SLC25A28: variants seen among roughly 807,000 people sequenced by gnomAD.
The protein encoded by SLC25A28 is solute carrier family 25 member 28.
Under a neutral mutation model 31.9 loss-of-function variants are expected in SLC25A28, and 10 were observed. That is an observed-to-expected ratio of 0.31 (90% CI 0.19 to 0.53). The LOEUF is 0.53. Ranked by LOEUF, SLC25A28 falls within the 20% of genes least tolerant of loss-of-function variation. SLC25A28 has a pLI of 0.95. For missense variants in SLC25A28, 256 were observed against 490.3 expected (o/e 0.52, Z 4.51); for synonymous variants, 208 against 203.6 (o/e 1.02, Z -0.19).
the SLC25A28 span, among the ~76,000 whole-genome samples, chr10:99,643,966 A>G: frequency 9.2e-5 from 14 of 152,150 alleles, no homozygotes; most frequent in South Asian, 2.1e-4. Flanking sequence ...TACATTTGCC[A>G]AGGAGTGCTT....
At chr10:99,641,920 G>A in the SLC25A28 span, among the ~76,000 whole-genome samples, 2 of 152,124 alleles carry the variant, frequency 1.3e-5, no homozygotes, top group Non-Finnish European at 1.5e-5. Flanking sequence ...TGTTCCATTA[G>A]TCTATATCTC....
the SLC25A28 span, among the ~76,000 whole-genome samples, chr10:99,625,800 C>G: frequency 2.6e-5 from 4 of 152,218 alleles, no homozygotes; most frequent in African/African-American, 4.8e-5. Context: ...TTTCTCCCTT[C>G]TCGTCAGAAC....
chr10:99,619,051 G>C lies in SLC25A28; in HGVS notation c.291+994C>G, dbSNP rs1344602342. 3 of 985,208 alleles carry C rather than the reference G, an allele frequency of 3.0e-6. No individual in the cohort carries two copies. In the African/African-American group the frequency reaches 5.2e-5, roughly 17 times the overall value. The allele number at this position is 985,208 out of a possible 1,614,324, so 61.0% of individuals were successfully genotyped here. On this transcript the variant is annotated intron_variant, in intron 1 of 3. Coordinates refer to ENST00000370495, the MANE Select transcript of SLC25A28 (RefSeq NM_031212.4). ...ATTCAGTCCTCACCTTTAATGGCTG[G>C]CACCTTTACTAATGTACAAGAATAA...
At chr10:99,622,590 A>G, upstream of SLC25A28, 2 of 937,394 alleles carry the variant, frequency 2.1e-6, no homozygotes, top group Non-Finnish European at 2.5e-6. Context: ...TCTTTTTCCT[A>G]TTCCCGTTTT....
At chr10:99,620,634 T>G (rs1418946238), upstream of SLC25A28, 3 of 993,468 alleles carry the variant, frequency 3.0e-6, no homozygotes, top group African/African-American at 5.2e-5. Flanking sequence ...TCTTAGAAGC[T>G]TCTTGTTTAT....
At chr10:99,637,813 G>T in the SLC25A28 span, among the ~76,000 whole-genome samples, 1 of 152,108 alleles carries the variant, frequency 6.6e-6, no homozygotes, top group Non-Finnish European at 1.5e-5. Context: ...CAAACAAATG[G>T]AAACACATCC....
At chr10:99,637,147 A>G in the SLC25A28 span, among the ~76,000 whole-genome samples, 1 of 152,242 alleles carries the variant, frequency 6.6e-6, no homozygotes, top group African/African-American at 2.4e-5. Context: ...TACACAAGTC[A>G]ATAAATGTGA....
At chr10:99,637,593 G>A in the SLC25A28 span, among the ~76,000 whole-genome samples, 1 of 152,132 alleles carries the variant, frequency 6.6e-6, no homozygotes, top group African/African-American at 2.4e-5. Flanking sequence ...AAAGTTTCTG[G>A]ATACAAGATT....
chr10:99,632,413 C>T, the SLC25A28 span, among the ~76,000 whole-genome samples: 5 of 151,850 alleles, frequency 3.3e-5, no homozygotes, highest in Non-Finnish European at 7.4e-5. Flanking sequence ...AGAACCAGTC[C>T]CCCATGGATA....
the SLC25A28 span, among the ~76,000 whole-genome samples, chr10:99,644,024 GAGA>G: frequency 5.3e-5 from 8 of 152,360 alleles, no homozygotes; most frequent in East Asian, 1.3e-3. Context: ...ATGTGGTGCT[GAGA>G]AGAATGTATA....
the SLC25A28 span, among the ~76,000 whole-genome samples, chr10:99,648,606 T>C: frequency 1.3e-5 from 2 of 152,218 alleles, no homozygotes; most frequent in Admixed American, 1.3e-4. Flanking sequence ...TCCATTTGCA[T>C]AATCTACTAT....
intron 1 of SLC25A28, chr10:99,618,934 G>A (rs988388847): frequency 2.0e-6 from 2 of 985,308 alleles, no homozygotes; most frequent in Non-Finnish European, 2.4e-6. Flanking sequence ...TCAAAAAGCT[G>A]CCAGGTCACT....
chr10:99,611,082 G>A lies in SLC25A28; in HGVS notation c.862C>T (p.Leu288=). Residue 288 remains leucine (L), a synonymous_variant, in exon 4 of 4, where the codon CTG becomes TTG. Coordinates refer to ENST00000370495, the MANE Select transcript of SLC25A28 (RefSeq NM_031212.4). This position sits in a 1 kb window ranked among gnomAD's most constrained non-coding sequence, Gnocchi z 5.5. ...GCCAAGGACTCCTGGGTGTTGAGCA[G>A]TGTTTTGCAAACGTCCAGTGGGGTT... is the stretch of plus-strand genomic sequence containing the variant. ...ATTPLDVCKT[L]LNTQESLALN... 1 of 1,614,214 alleles carries A rather than the reference G, an allele frequency of 6.2e-7. No homozygotes were observed. Among genetic ancestry groups the A allele is most frequent in the Non-Finnish European group, 8.5e-7 (1 of 1,180,034 alleles).
the SLC25A28 span, among the ~76,000 whole-genome samples, chr10:99,653,482 G>A: frequency 6.6e-6 from 1 of 152,166 alleles, no homozygotes; most frequent in Non-Finnish European, 1.5e-5. Context: ...TAGTTGAGGG[G>A]CAACCAAACT....
the SLC25A28 span, among the ~76,000 whole-genome samples, chr10:99,638,778 A>T: frequency 1.3e-5 from 2 of 152,214 alleles, no homozygotes; most frequent in Non-Finnish European, 2.9e-5. Context: ...TCAAAAAATT[A>T]AAAAACAGTA....
chr10:99,618,431 TCA>T, intron 1 of SLC25A28: 1 of 985,482 alleles, frequency 1.0e-6, no homozygotes, highest in Non-Finnish European at 1.2e-6. Flanking sequence ...TGCACTCTAC[TCA>T]CAGTCTAAGT....
the SLC25A28 span, among the ~76,000 whole-genome samples, chr10:99,631,620 C>T: frequency 4.6e-5 from 7 of 152,098 alleles, no homozygotes; most frequent in Admixed American, 4.6e-4. Context: ...CAGAAAGCCT[C>T]ATCTCTTGAC....
At chr10:99,637,753 C>T in the SLC25A28 span, among the ~76,000 whole-genome samples, 1,696 of 152,148 alleles carry the variant, frequency 0.011, 19 homozygotes, top group Non-Finnish European at 0.015. Context: ...AGGCGAAAGA[C>T]CTCTACAAGG....
upstream of SLC25A28, chr10:99,620,461 G>GC (rs1234903174): frequency 1.7e-5 from 18 of 1,048,744 alleles, no homozygotes; most frequent in African/African-American, 1.0e-4. Context: ...CTCCCGCTTG[G>GC]CCCCGCGGAC....
Sources: gnomAD v4.1 joint callset for allele counts (sites outside exome capture counted in the v4.1 genomes callset) on GRCh38, gnomAD v4.1.1 for gene constraint, Gnocchi (gnomAD v3.1) non-coding constraint, MANE v1.5 for transcripts, NCBI Gene and HGNC (gene_info 2026-07-23, HGNC 2026-07-21) for gene names.